PSMF1: variants seen among roughly 807,000 people sequenced by gnomAD.
PSMF1 encodes proteasome inhibitor subunit 1, also known as proteasome inhibitor PI31 subunit.
A neutral mutation model predicts 29.3 loss-of-function variants in PSMF1; 30 were observed. The ratio of observed to expected loss-of-function variants is 1.02; its 90% CI spans 0.77 to 1.39. The LOEUF (loss-of-function observed/expected upper bound fraction) is 1.39, where lower values mean the gene tolerates loss of function less well. PSMF1 is among the 40% of genes most tolerant of loss of function. The probability of loss-of-function intolerance (pLI) is 0.00; values close to 1 mark genes in which losing one functional copy is unlikely to be tolerated. For synonymous variants in PSMF1, 134 were observed against 139.7 expected (o/e 0.96, Z 0.29); for missense variants, 344 against 357.5 (o/e 0.96, Z 0.31).
intron 4 of PSMF1, among the ~76,000 whole-genome samples, chr20:1,146,880 T>G (rs1471413173): frequency 6.6e-6 from 1 of 152,154 alleles, no homozygotes; most frequent in African/African-American, 2.4e-5. Flanking sequence ...TATTCAGTGG[T>G]CTAGTAACTG....
In PSMF1 at chr20:1,125,551, T is replaced by C. The variant is rs1233116995; in HGVS notation, c.183T>C (p.Asn61=). The change falls in exon 2 of 7, where the codon AAT becomes AAC. Residue 61 remains asparagine (N), a synonymous_variant. Transcript: ENST00000335877. ...TGCTGCCAGCTGGGTGGAACAACAA[T>C]AAAGACCTGTATGTCCTCCGGTATG... ...SELLPAGWNN[N]KDLYVLRYEY... 6.2e-7 allele frequency: 1 copy of C among 1,613,864 alleles called. No homozygotes were observed. Among genetic ancestry groups the C allele is most frequent in the South Asian group, 1.1e-5 (1 of 91,056 alleles).
In PSMF1 at chr20:1,135,351, G is replaced by A. The variant is rs1362097622; in HGVS notation, c.551+45G>A. ...CGGGAAGCCCATGCTTCTGTAGAGGGATTCCAGCCAGCTATCCCCATCCTG... is the reference window on the plus strand; with the variant it reads ...CGGGAAGCCCATGCTTCTGTAGAGGAATTCCAGCCAGCTATCCCCATCCTG... On this transcript the variant is annotated intron_variant, in intron 4 of 6. Coordinates refer to ENST00000335877, the MANE Select transcript of PSMF1 (RefSeq NM_006814.5). 7 of 1,540,572 alleles carry A rather than the reference G, an allele frequency of 4.5e-6. No homozygotes were observed. In the Admixed American group the frequency reaches 7.7e-5, roughly 17 times the overall value.
Position 1,164,317 on chromosome 20 carries a change from G to C in PSMF1, c.606-1G>C. On this transcript the variant is annotated splice_acceptor_variant, in intron 5 of 6. Transcript: ENST00000335877. LOFTEE classifies it high-confidence loss of function. This position sits in a 1 kb window ranked among gnomAD's most constrained non-coding sequence, Gnocchi z 4.1. ...TTACCTAACTTTTCTTCTTGCCTCAGGCCTCGGAGAGGTGGCATGATTGTG... is the reference window on the plus strand; with the variant it reads ...TTACCTAACTTTTCTTCTTGCCTCACGCCTCGGAGAGGTGGCATGATTGTG... The C allele has an allele frequency of 6.2e-7, 1 of 1,613,242 alleles. No individual in the cohort carries two copies. The highest frequency in any genetic ancestry group is 1.3e-5 in the African/African-American group (1 of 74,980).
In PSMF1 at chr20:1,166,434, A is replaced by G; in HGVS notation, c.*1354A>G. The G allele has an allele frequency of 1.4e-6, 1 of 691,868 alleles. No individual in the cohort carries two copies. Among genetic ancestry groups the G allele is most frequent in the Non-Finnish European group, 2.5e-6 (1 of 399,250 alleles). The allele number at this position is 691,868 out of a possible 1,614,324, so 42.9% of individuals were successfully genotyped here. On this transcript the variant is annotated 3_prime_UTR_variant, in exon 7 of 7. Coordinates refer to ENST00000335877, the MANE Select transcript of PSMF1 (RefSeq NM_006814.5). Reference sequence around the variant, plus strand: ...ACCTATTATTTACCTGTAGGTAAGCAAGCTACTGTAGCTCTTCTGAGGTAT... The same window carrying G: ...ACCTATTATTTACCTGTAGGTAAGCGAGCTACTGTAGCTCTTCTGAGGTAT...
chr20:1,122,697 G>A (rs1005838066), intron 1 of PSMF1, among the ~76,000 whole-genome samples: 1 of 152,302 alleles, frequency 6.6e-6, no homozygotes, highest in Middle Eastern at 3.4e-3. Flanking sequence ...GATATTTGAT[G>A]TCAGGGTTTA....
At chr20:1,132,974 T>TG (rs1568468684) in intron 3 of PSMF1, among the ~76,000 whole-genome samples, 1 of 150,254 alleles carries the variant, frequency 6.7e-6, no homozygotes, top group African/African-American at 2.4e-5. Context: ...TTTTTGTTTT[T>TG]TTTTTTTTTT....
rs1209154716 is a variant in PSMF1 at position 1,167,412 on chromosome 20, G to A, written c.*2332G>A. The A allele has an allele frequency of 6.6e-6, 1 of 152,076 alleles. No homozygotes were observed. Among genetic ancestry groups the A allele is most frequent in the Non-Finnish European group, 1.5e-5 (1 of 68,024 alleles). 9.4% of individuals were successfully genotyped at this position (152,076 alleles called of 1,614,324 possible). A position where few individuals can be genotyped will look rare whatever the true frequency, so the allele number is the denominator to read the frequency against. On this transcript the variant is annotated 3_prime_UTR_variant, in exon 7 of 7. Transcript: ENST00000335877. ...CCTGTTTAAAGTATACAATTCAGTG[G>A]ATTTAGTATGTTCACAGTGTTGCAC...
rs1219069961 is a variant in PSMF1, at chr20:1,169,406, G to C, written c.*4326G>C. On this transcript the variant is annotated 3_prime_UTR_variant, in exon 7 of 7. Transcript: ENST00000335877. ...CCAGCCCTTGCTTGGAGGAACGTGAGGCTGATGGTGCAGTGCAATAGAGGT... is the reference window on the plus strand; with the variant it reads ...CCAGCCCTTGCTTGGAGGAACGTGACGCTGATGGTGCAGTGCAATAGAGGT... 6.6e-6 allele frequency among the ~76,000 whole-genome samples: 1 copy of C among 152,188 alleles called. No individual in the cohort carries two copies. Among genetic ancestry groups the C allele is most frequent in the Non-Finnish European group, 1.5e-5 (1 of 68,030 alleles).
At chr20:1,147,957 G>T (rs1159604171) in intron 4 of PSMF1, among the ~76,000 whole-genome samples, 1 of 152,152 alleles carries the variant, frequency 6.6e-6, no homozygotes, top group Non-Finnish European at 1.5e-5. Context: ...AACACCCTTG[G>T]CTGGCGCTCG....
At chr20:1,127,151 T>C (rs2086168225) in intron 2 of PSMF1, among the ~76,000 whole-genome samples, 1 of 152,196 alleles carries the variant, frequency 6.6e-6, no homozygotes, top group African/African-American at 2.4e-5. Context: ...TCAAAGTTGA[T>C]GCATCAGTTC....
intron 2 of PSMF1, 179 bp downstream of exon 2, chr20:1,125,829 A>G (rs2086148674): frequency 2.5e-6 from 2 of 813,920 alleles, no homozygotes; most frequent in South Asian, 2.9e-5. Context: ...TTCGTGCACA[A>G]AGGTATCCAC....
intron 3 of PSMF1, among the ~76,000 whole-genome samples, chr20:1,131,825 G>A (rs2086233251): frequency 6.6e-6 from 1 of 152,174 alleles, no homozygotes; most frequent in Non-Finnish European, 1.5e-5. Flanking sequence ...TAGAAATTGT[G>A]TGAGAACTTC....
chr20:1,133,569 A>ATATATATATATATATATTTT, intron 3 of PSMF1, among the ~76,000 whole-genome samples: 624 of 53,006 alleles, frequency 0.012, 16 homozygotes, highest in South Asian at 0.036. Context: ...ATATATATAT[A>ATATATATATATATATATTTT]TTTTTTTTTT....
chr20:1,125,586 A>G lies in PSMF1; in HGVS notation c.218A>G (p.Asp73Gly), dbSNP rs187966028. Residue 73 changes from aspartate to glycine, a missense_variant, in exon 2 of 7, where the codon GAT becomes GGT. Coordinates refer to ENST00000335877, the MANE Select transcript of PSMF1 (RefSeq NM_006814.5). Reference sequence around the variant, plus strand: ...TATGTCCTCCGGTATGAGTATAAGGATGGGTCCAGAAAGCTCCTTGTGAAA... The same window carrying G: ...TATGTCCTCCGGTATGAGTATAAGGGTGGGTCCAGAAAGCTCCTTGTGAAA... ...DLYVLRYEYK[D>G]GSRKLLVKAI... 60 of 1,614,120 alleles carry G rather than the reference A, an allele frequency of 3.7e-5. No homozygotes were observed. Among genetic ancestry groups the G allele is most frequent in the Non-Finnish European group, 4.8e-5 (57 of 1,180,002 alleles).
rs2086789693 is a variant in PSMF1, at chr20:1,171,491, C to G, written c.*6411C>G. 6.6e-6 allele frequency among the ~76,000 whole-genome samples: 1 copy of G among 152,190 alleles called. No homozygotes were observed. The highest frequency in any genetic ancestry group is 1.5e-5 in the Non-Finnish European group (1 of 68,038). On this transcript the variant is annotated 3_prime_UTR_variant, in exon 7 of 7. Transcript: ENST00000335877. ...AGGTCCACAGCTGTTGAGTGACTTT[C>G]CCAAGGCCACACAGACCACAAATCC...
Position 1,165,719 on chromosome 20 carries a change from G to A in PSMF1, c.*639G>A. ...CACAAGAATGACTTTCACAAGGGCA[G>A]GAACATTGTGGAAAGACTGCATCAT... is the stretch of plus-strand genomic sequence containing the variant. On this transcript the variant is annotated 3_prime_UTR_variant, in exon 7 of 7. Coordinates refer to ENST00000335877, the MANE Select transcript of PSMF1 (RefSeq NM_006814.5). The A allele has an allele frequency of 5.0e-6, 5 of 1,005,878 alleles. No homozygotes were observed. The highest frequency in any genetic ancestry group is 5.9e-6 in the Non-Finnish European group (5 of 841,376). The allele number at this position is 1,005,878 out of a possible 1,614,324, so 62.3% of individuals were successfully genotyped here. A position where few individuals can be genotyped will look rare whatever the true frequency, so the allele number is the denominator to read the frequency against.
Position 1,168,075 on chromosome 20 carries a change from T to C in PSMF1, c.*2995T>C, listed in dbSNP as rs1268026549. Reference sequence around the variant, plus strand: ...CATTGTGGTCTTCTCTTCCATTTTTTAAAAAAGAATTTTGACCTACACCAA... The same window carrying C: ...CATTGTGGTCTTCTCTTCCATTTTTCAAAAAAGAATTTTGACCTACACCAA... On this transcript the variant is annotated 3_prime_UTR_variant, in exon 7 of 7. Coordinates refer to ENST00000335877, the MANE Select transcript of PSMF1 (RefSeq NM_006814.5). The C allele has an allele frequency of 6.6e-6, 1 of 152,180 alleles. No individual in the cohort carries two copies. The highest frequency in any genetic ancestry group is 6.5e-5 in the Admixed American group (1 of 15,290). The allele number at this position is 152,180 out of a possible 1,614,324, so 9.4% of individuals were successfully genotyped here. A position where few individuals can be genotyped will look rare whatever the true frequency, so the allele number is the denominator to read the frequency against.
upstream of PSMF1, among the ~76,000 whole-genome samples, chr20:1,114,230 G>A (rs896562217): frequency 6.6e-6 from 1 of 152,206 alleles, no homozygotes; most frequent in African/African-American, 2.4e-5. Context: ...CTGCCTCCCA[G>A]AGTTCCCGGG....
At chr20:1,149,314 G>GT (rs1354001592) in intron 4 of PSMF1, among the ~76,000 whole-genome samples, 2 of 152,290 alleles carry the variant, frequency 1.3e-5, no homozygotes, top group East Asian at 3.9e-4. Flanking sequence ...TTATATATCT[G>GT]TTACATCAAA....
Sources: gnomAD v4.1 joint callset for allele counts (sites outside exome capture counted in the v4.1 genomes callset) on GRCh38, gnomAD v4.1.1 for gene constraint, Gnocchi (gnomAD v3.1) non-coding constraint, MANE v1.5 for transcripts, NCBI Gene and HGNC (gene_info 2026-07-23, HGNC 2026-07-21) for gene names.